The following PDE1C variants were observed in gnomAD, a reference collection of about 807,000 sequenced individuals.
The protein encoded by PDE1C is dual specificity calcium/calmodulin-dependent 3',5'-cyclic nucleotide phosphodiesterase 1C.
PDE1C carries 62 observed loss-of-function variants against 93.1 expected under a neutral mutation model. The ratio of observed to expected loss-of-function variants is 0.67; its 90% confidence interval spans 0.54 to 0.82. PDE1C has a LOEUF of 0.82. PDE1C is among the 40% of genes least tolerant of loss of function. The pLI is 0.00. For missense variants in PDE1C, 742 were observed against 884.6 expected (o/e 0.84, Z 2.04); for synonymous variants, 325 against 310.1 (o/e 1.05, Z -0.50).
intron 2 of PDE1C, among the ~76,000 whole-genome samples, chr7:31,981,150 C>A (rs1027651683): frequency 8.5e-5 from 13 of 152,134 alleles, no homozygotes; most frequent in Non-Finnish European, 1.5e-4. Flanking sequence ...TTAAGTTATT[C>A]TTGTAACTAC....
chr7:32,026,287 C>T (rs1789429033), intron 2 of PDE1C, among the ~76,000 whole-genome samples: 1 of 152,150 alleles, frequency 6.6e-6, no homozygotes, highest in South Asian at 2.1e-4. Flanking sequence ...AAGCTGGCTG[C>T]AGCTTATAGT....
At chr7:31,677,110 A>G in the PDE1C span, among the ~76,000 whole-genome samples, 1 of 152,226 alleles carries the variant, frequency 6.6e-6, no homozygotes, top group African/African-American at 2.4e-5. Flanking sequence ...TCCAAAGCAG[A>G]GATGGAAGTC....
At chr7:32,265,397 T>C (rs11770580) in intron 1 of PDE1C, among the ~76,000 whole-genome samples, 17,825 of 152,216 alleles carry the variant, frequency 0.12, 1,201 homozygotes, top group African/African-American at 0.16. Context: ...TTCAGGCCAA[T>C]AGGACTGTGT....
At chr7:32,397,346 T>G (rs1207339779) in intron 1 of PDE1C, among the ~76,000 whole-genome samples, 1 of 152,174 alleles carries the variant, frequency 6.6e-6, no homozygotes, top group Non-Finnish European at 1.5e-5. Flanking sequence ...ATCCATAATT[T>G]TTTGATGCAA....
At chr7:32,369,650 A>G (rs1784288675) in intron 1 of PDE1C, among the ~76,000 whole-genome samples, 2 of 152,210 alleles carry the variant, frequency 1.3e-5, no homozygotes, top group Admixed American at 1.3e-4. Flanking sequence ...TTATCCAAAG[A>G]AAAGGAAATA....
chr7:32,350,590 A>ATAT (rs1783951157), intron 1 of PDE1C, among the ~76,000 whole-genome samples: 1 of 3,144 alleles, frequency 3.2e-4, no homozygotes, highest in African/African-American at 3.7e-4. Context: ...ATATATATAT[A>ATAT]TTTTTTTTTT....
chr7:32,152,418 T>C, intron 3 of PDE1C, among the ~76,000 whole-genome samples: 1 of 152,216 alleles, frequency 6.6e-6, no homozygotes, highest in Non-Finnish European at 1.5e-5. Context: ...AGGCATCCTC[T>C]GGCTTTAACA....
intron 2 of PDE1C, among the ~76,000 whole-genome samples, chr7:31,978,185 C>T (rs1372464359): frequency 6.6e-6 from 1 of 152,156 alleles, no homozygotes; most frequent in African/African-American, 2.4e-5. Flanking sequence ...TAGATTTCGG[C>T]AGACTACAGG....
At chr7:32,315,104 G>C in intron 1 of PDE1C, among the ~76,000 whole-genome samples, 1 of 149,762 alleles carries the variant, frequency 6.7e-6, no homozygotes, top group African/African-American at 2.5e-5. Context: ...AAATGTTAAG[G>C]AAAAAGAGCA....
intron 7 of PDE1C, 113 bp downstream of exon 7, chr7:31,864,829 C>T (rs1795088177): frequency 1.0e-6 from 1 of 983,048 alleles, no homozygotes; most frequent in Non-Finnish European, 1.5e-6. Context: ...AACAGGAAGT[C>T]CATAAAACAA....
At chr7:31,950,419 G>C (rs1807206552) in intron 2 of PDE1C, among the ~76,000 whole-genome samples, 1 of 152,218 alleles carries the variant, frequency 6.6e-6, no homozygotes, top group Non-Finnish European at 1.5e-5. Context: ...TCAATAAACT[G>C]AAGCATACAT....
the PDE1C span, among the ~76,000 whole-genome samples, chr7:31,694,476 G>T: frequency 1.3e-5 from 2 of 151,604 alleles, no homozygotes; most frequent in African/African-American, 4.9e-5. Flanking sequence ...TTCTAGAAAT[G>T]AAGGTGCAAG....
chr7:32,288,189 G>A (rs1238221100), intron 1 of PDE1C, among the ~76,000 whole-genome samples: 1 of 152,178 alleles, frequency 6.6e-6, no homozygotes, highest in Non-Finnish European at 1.5e-5. Flanking sequence ...TTGGAGTCAT[G>A]GTTCTGAAAC....
chr7:31,775,613 C>T, intron 17 of PDE1C, 51 bp downstream of exon 17: 1 of 1,483,030 alleles, frequency 6.7e-7, no homozygotes, highest in Admixed American at 1.7e-5. Flanking sequence ...GAAACCAGGC[C>T]TTTCCATTGT....
intron 2 of PDE1C, among the ~76,000 whole-genome samples, chr7:32,207,078 T>G (rs909074169): frequency 4.6e-5 from 7 of 152,178 alleles, no homozygotes; most frequent in African/African-American, 1.7e-4. Flanking sequence ...TGCTTGAGCC[T>G]GCAATGATGG....
At chr7:31,955,051 TTA>T (rs887442835) in intron 2 of PDE1C, among the ~76,000 whole-genome samples, 1 of 152,216 alleles carries the variant, frequency 6.6e-6, no homozygotes, top group Non-Finnish European at 1.5e-5. Flanking sequence ...CCAAACAATT[TTA>T]TATATGTCTC....
intron 2 of PDE1C, among the ~76,000 whole-genome samples, chr7:31,978,262 T>C (rs1811923291): frequency 6.6e-6 from 1 of 152,174 alleles, no homozygotes; most frequent in South Asian, 2.1e-4. Flanking sequence ...GGCAAAGGGG[T>C]ACTCAATTCT....
chr7:31,923,598 T>C (rs1466751584), intron 2 of PDE1C, among the ~76,000 whole-genome samples: 1 of 152,216 alleles, frequency 6.6e-6, no homozygotes, highest in Non-Finnish European at 1.5e-5. Flanking sequence ...GAAATATTTT[T>C]TGTCAAGTGT....
the PDE1C span, among the ~76,000 whole-genome samples, chr7:31,705,986 ATTTTTTTTTTTTTTTTTTTTT>A: frequency 2.7e-4 from 14 of 52,514 alleles, no homozygotes; most frequent in East Asian, 7.4e-3. Flanking sequence ...CAGACCAGTA[ATTTTTTTTTTTTTTTTTTTTT>A]TTTTTTTTTT....
Sources: gnomAD v4.1 joint callset for allele counts (sites outside exome capture counted in the v4.1 genomes callset) on GRCh38, gnomAD v4.1.1 for gene constraint, MANE v1.5 for transcripts, NCBI Gene and HGNC (gene_info 2026-07-23, HGNC 2026-07-21) for gene names.